Variants in STUM observed in about 807,000 individuals in gnomAD.
STUM encodes the protein protein stum homolog.
A neutral mutation model predicts 15.3 loss-of-function variants in STUM; 8 were observed. That is an observed-to-expected ratio of 0.52 (90% CI 0.31 to 0.94). STUM has a LOEUF of 0.94. STUM is among the 40% of genes least tolerant of loss of function. STUM has a pLI of 0.05. For missense variants in STUM, 142 were observed against 204.9 expected (o/e 0.69, Z 1.87); for synonymous variants, 78 against 88.7 (o/e 0.88, Z 0.68).
chr1:226,593,650 T>C (rs1668125252), intron 1 of STUM, among the ~76,000 whole-genome samples: 1 of 152,196 alleles, frequency 6.6e-6, no homozygotes, highest in African/African-American at 2.4e-5. Flanking sequence ...GCCAACACTC[T>C]GTGCCCCTAG....
intron 1 of STUM, among the ~76,000 whole-genome samples, chr1:226,562,436 G>A (rs112887768): frequency 4.0e-5 from 6 of 149,406 alleles, no homozygotes; most frequent in Admixed American, 1.3e-4. Context: ...GCCACTGCAC[G>A]CCCTCTCGAG....
At chr1:226,550,204 C>T (rs1266486900) in intron 1 of STUM, among the ~76,000 whole-genome samples, 2 of 152,226 alleles carry the variant, frequency 1.3e-5, no homozygotes, top group African/African-American at 4.8e-5. Flanking sequence ...GCCTTTCTCA[C>T]GGTCTCCTCG....
At chr1:226,595,089 A>T (rs1236469954) in intron 1 of STUM, among the ~76,000 whole-genome samples, 1 of 152,234 alleles carries the variant, frequency 6.6e-6, no homozygotes, top group South Asian at 2.1e-4. Context: ...GCACAGTCCA[A>T]GTCTGAAATC....
intron 1 of STUM, among the ~76,000 whole-genome samples, chr1:226,550,923 T>A (rs1367052206): frequency 1.3e-5 from 2 of 152,170 alleles, no homozygotes; most frequent in African/African-American, 4.8e-5. Context: ...CCTATGGGAT[T>A]TTTGTGAAAC....
chr1:226,586,693 C>T lies in STUM; in HGVS notation c.203-10109C>T, dbSNP rs572385233. On this transcript the variant is annotated intron_variant, in intron 1 of 3. Transcript: ENST00000366788. The stretch of plus-strand genomic sequence containing the variant: ...AGAACCCCTCTCGGTTTTTAATCTC[C>T]GTGTCTACCCATCCATGGAAATGTC... Among the ~76,000 whole-genome samples, 9 of 152,264 alleles carry T rather than the reference C, an allele frequency of 5.9e-5. No individual in the cohort carries two copies. In the South Asian group the frequency reaches 1.5e-3, roughly 25 times the overall value.
intron 1 of STUM, among the ~76,000 whole-genome samples, chr1:226,580,788 C>T (rs559222066): frequency 3.9e-5 from 6 of 152,352 alleles, no homozygotes; most frequent in African/African-American, 1.2e-4. Flanking sequence ...ATGTCTGGGT[C>T]ACCATTGTGC....
chr1:226,572,439 G>C (rs188728694), intron 1 of STUM, among the ~76,000 whole-genome samples: 108 of 152,358 alleles, frequency 7.1e-4, no homozygotes, highest in Non-Finnish European at 1.4e-3. Flanking sequence ...CAGGAAACCC[G>C]AGGTGGGAGA....
intron 1 of STUM, among the ~76,000 whole-genome samples, chr1:226,575,017 A>T (rs1001653702): frequency 1.3e-5 from 2 of 152,176 alleles, no homozygotes; most frequent in African/African-American, 4.8e-5. Context: ...TGCTGGCTCC[A>T]TCCCAGAACT....
At chr1:226,580,080 G>A (rs1286546437) in intron 1 of STUM, among the ~76,000 whole-genome samples, 1 of 152,190 alleles carries the variant, frequency 6.6e-6, no homozygotes, top group Non-Finnish European at 1.5e-5. Flanking sequence ...GAACTAGGAG[G>A]CGGTGTTAGC....
chr1:226,571,356 C>T (rs1667708797), intron 1 of STUM, among the ~76,000 whole-genome samples: 1 of 152,180 alleles, frequency 6.6e-6, no homozygotes, highest in Non-Finnish European at 1.5e-5. Context: ...AGTACCATAA[C>T]TTCGAAATAG....
chr1:226,561,685 T>C (rs1390983361), intron 1 of STUM, among the ~76,000 whole-genome samples: 1 of 152,170 alleles, frequency 6.6e-6, no homozygotes, highest in East Asian at 1.9e-4. Flanking sequence ...GGGATCAATC[T>C]TAGTAAACCT....
chr1:226,585,632 G>A (rs183855992), intron 1 of STUM, among the ~76,000 whole-genome samples: 21 of 152,176 alleles, frequency 1.4e-4, no homozygotes, highest in Non-Finnish European at 1.6e-4. Flanking sequence ...TGCCTGCCCC[G>A]CCTCAGTCCC....
intron 1 of STUM, among the ~76,000 whole-genome samples, chr1:226,563,640 T>C (rs1558278934): frequency 6.6e-6 from 1 of 152,262 alleles, no homozygotes; most frequent in Non-Finnish European, 1.5e-5. Context: ...ATCCCAATGC[T>C]GCAGAGCTAT....
chr1:226,572,158 T>C (rs910376381), intron 1 of STUM, among the ~76,000 whole-genome samples: 2 of 152,134 alleles, frequency 1.3e-5, no homozygotes, highest in African/African-American at 2.4e-5. Context: ...CTGCCACCCT[T>C]GTCATCAAAG....
At chr1:226,578,268 G>A (rs375725927) in intron 1 of STUM, among the ~76,000 whole-genome samples, 9 of 151,126 alleles carry the variant, frequency 6.0e-5, no homozygotes, top group African/African-American at 2.2e-4. Context: ...CTGAGATAAG[G>A]TCTCACTATG....
intron 1 of STUM, among the ~76,000 whole-genome samples, chr1:226,588,233 G>A (rs1465921599): frequency 1.3e-5 from 2 of 152,112 alleles, no homozygotes; most frequent in Non-Finnish European, 2.9e-5. Flanking sequence ...GGAATGACTC[G>A]GTGCAGTTCT....
intron 1 of STUM, among the ~76,000 whole-genome samples, chr1:226,573,880 G>T (rs1182665409): frequency 6.6e-6 from 1 of 151,512 alleles, no homozygotes; most frequent in East Asian, 1.9e-4. Context: ...CTGTCGCCAG[G>T]CTGGGGTGCA....
In STUM at chr1:226,567,353, G is replaced by A. The variant is rs147688018; in HGVS notation, c.202+18247G>A. On this transcript the variant is annotated intron_variant, in intron 1 of 3. Transcript: ENST00000366788. The surrounding 1 kb of genome is among the most constrained non-coding windows in gnomAD (Gnocchi z 4.5). Reference sequence around the variant, plus strand: ...TACCACACTACACTGCTAAAATGCTGAACATTTGCAGTGGAAAATAACGGA... The same window carrying A: ...TACCACACTACACTGCTAAAATGCTAAACATTTGCAGTGGAAAATAACGGA... Among the ~76,000 whole-genome samples, 3 of 152,296 alleles carry A rather than the reference G, an allele frequency of 2.0e-5. No individual in the cohort carries two copies. The East Asian group carries it at 5.8e-4, about 29-fold the overall frequency.
At position 226,549,430 on chromosome 1, in the gene STUM, C is replaced by T. The variant is rs1242141801; in HGVS notation, c.202+324C>T. Among the ~76,000 whole-genome samples the T allele has an allele frequency of 1.3e-5, 2 of 152,212 alleles. No individual in the cohort carries two copies. Among genetic ancestry groups the T allele is most frequent in the African/African-American group, 4.8e-5 (2 of 41,468 alleles). On this transcript the variant is annotated intron_variant, in intron 1 of 3. Coordinates refer to ENST00000366788, the MANE Select transcript of STUM (RefSeq NM_001003665.4). This position sits in a 1 kb window ranked among gnomAD's most constrained non-coding sequence, Gnocchi z 6.8. ...GAGTAGGGCTCCCGTCCCGGCGCCC[C>T]GATTTCTGCTCCTTCTCTCCGTCGT...
Sources: gnomAD v4.1 joint callset for allele counts (sites outside exome capture counted in the v4.1 genomes callset) on GRCh38, gnomAD v4.1.1 for gene constraint, Gnocchi (gnomAD v3.1) non-coding constraint, MANE v1.5 for transcripts, NCBI Gene and HGNC (gene_info 2026-07-23, HGNC 2026-07-21) for gene names.